TNRC6B: variants seen among roughly 807,000 people sequenced by gnomAD.
TNRC6B encodes trinucleotide repeat-containing gene 6B protein.
A neutral mutation model predicts 203.6 loss-of-function variants in TNRC6B; 52 were observed. That is an observed-to-expected ratio of 0.26 (90% confidence interval 0.20 to 0.32). The LOEUF (loss-of-function observed/expected upper bound fraction) is 0.32, where lower values mean the gene tolerates loss of function less well. Ranked by LOEUF, TNRC6B falls within the 10% of genes least tolerant of loss-of-function variation. TNRC6B has a pLI of 1.00. For synonymous variants in TNRC6B, 838 were observed against 845.7 expected, an observed-to-expected ratio of 0.99 and a Z score of 0.16; for missense variants, 1,923 against 2,286.2, an observed-to-expected ratio of 0.84 and a Z score of 3.24.
At chr22:40,202,951 A>T (rs533026061) in intron 1 of TNRC6B, among the ~76,000 whole-genome samples, 1 of 152,074 alleles carries the variant, frequency 6.6e-6, no homozygotes, top group East Asian at 1.9e-4. Flanking sequence ...CTAATGTTTG[A>T]TCTAACACAC....
intron 1 of TNRC6B, among the ~76,000 whole-genome samples, chr22:40,220,521 A>C (rs1325516875): frequency 2.6e-5 from 4 of 152,128 alleles, no homozygotes; most frequent in Non-Finnish European, 4.4e-5. Context: ...TGCTGGAGGC[A>C]CTGAATAGTT....
chr22:40,135,169 TGCAGGA>T (rs2068588946), intron 3 of TNRC6B, among the ~76,000 whole-genome samples: 2 of 152,188 alleles, frequency 1.3e-5, no homozygotes, highest in South Asian at 4.1e-4. Flanking sequence ...ATTCCAACTG[TGCAGGA>T]GCTGCAGACA....
At chr22:40,189,473 TG>T (rs1302197706) in intron 1 of TNRC6B, among the ~76,000 whole-genome samples, 1 of 148,968 alleles carries the variant, frequency 6.7e-6, no homozygotes, top group Non-Finnish European at 1.5e-5. Context: ...CGCTGTTTGT[TG>T]GGGTACTAAT....
chr22:40,288,282 T>A (rs970519769), intron 12 of TNRC6B, among the ~76,000 whole-genome samples: 3 of 143,180 alleles, frequency 2.1e-5, no homozygotes, highest in Non-Finnish European at 4.7e-5. Flanking sequence ...GTCTCCAGTC[T>A]TCTGTGACAG....
intron 1 of TNRC6B, among the ~76,000 whole-genome samples, chr22:40,099,064 A>C (rs2068210599): frequency 6.6e-6 from 1 of 152,136 alleles, no homozygotes; most frequent in Admixed American, 6.5e-5. Flanking sequence ...AGCCTGGCCA[A>C]GATGGTGAAA....
rs1220255932 is a variant in TNRC6B, at chr22:40,310,982, G to T, written c.4424G>T (p.Ser1475Ile). The change falls in exon 17 of 23, where the codon AGT becomes ATT. Residue 1475 changes from serine to isoleucine, a missense_variant. Ser to Ile is a moderately radical substitution (Grantham distance 142). Around this residue, in one of 8 missense-constraint regions of TNRC6B, gnomAD observed 242 missense variants for 399.5 expected, o/e 0.61. Coordinates refer to ENST00000454349, the MANE Select transcript of TNRC6B (RefSeq NM_001162501.2). Reference protein sequence around the residue: ...NKIGSKSSNASWPPEFQPGVP... With the variant: ...NKIGSKSSNAIWPPEFQPGVP... ...ATCGGAAGTAAATCCAGCAATGCCA[G>T]TTGGCCTCCAGGTATTGTCTAGGAA... is the stretch of plus-strand genomic sequence containing the variant. The T allele has an allele frequency of 1.9e-6, 3 of 1,607,014 alleles. No individual in the cohort carries two copies. Among genetic ancestry groups the T allele is most frequent in the Non-Finnish European group, 1.7e-6 (2 of 1,177,450 alleles).
intron 12 of TNRC6B, among the ~76,000 whole-genome samples, chr22:40,297,860 C>T (rs1051368441): frequency 2.6e-5 from 4 of 151,300 alleles, no homozygotes; most frequent in African/African-American, 4.9e-5. Context: ...CAGTGGTTCA[C>T]GCCTGTAATC....
Position 40,333,001 on chromosome 22 carries a change from G to C in TNRC6B, c.*9760G>C, listed in dbSNP as rs2043998358. Reference sequence around the variant, plus strand: ...GGAGCCGGTTTGCATTTGTGTTGGAGGGGTGTTATCTCCATTGCCTCCCAC... The same window carrying C: ...GGAGCCGGTTTGCATTTGTGTTGGACGGGTGTTATCTCCATTGCCTCCCAC... On this transcript the variant is annotated 3_prime_UTR_variant, in exon 23 of 23. Transcript: ENST00000454349. 6.6e-6 allele frequency: 1 copy of C among 152,212 alleles called. No individual in the cohort carries two copies. Among genetic ancestry groups the C allele is most frequent in the African/African-American group, 2.4e-5 (1 of 41,410 alleles). The allele number at this position is 152,212 out of a possible 1,614,324, so 9.4% of individuals were successfully genotyped here. A position where few individuals can be genotyped will look rare whatever the true frequency, so the allele number is the denominator to read the frequency against.
intron 12 of TNRC6B, among the ~76,000 whole-genome samples, chr22:40,293,554 G>T (rs949279135): frequency 2.0e-5 from 3 of 151,672 alleles, no homozygotes; most frequent in African/African-American, 7.3e-5. Flanking sequence ...GCTGGGTCAC[G>T]GGCAGGTTTT....
intron 3 of TNRC6B, among the ~76,000 whole-genome samples, chr22:40,137,028 CA>C (rs1219554259): frequency 6.6e-6 from 1 of 152,052 alleles, no homozygotes; most frequent in African/African-American, 2.4e-5. Context: ...CAAAGAACTG[CA>C]AGATCTGTTC....
chr22:40,051,241 A>C lies in TNRC6B; in HGVS notation c.-121+6243A>C. ...TCCAAAATTGCTGAAGAGGACACCA[A>C]TCCTGTTCTGAATTGTACCTCTGCA... On this transcript the variant is annotated intron_variant, in intron 1 of 23. Transcript: ENST00000301923. 2.0e-5 allele frequency among the ~76,000 whole-genome samples: 3 copies of C among 152,274 alleles called. 1 individual carries two copies. Among genetic ancestry groups the C allele is most frequent in the South Asian group, 4.1e-4 (2 of 4,826 alleles).
intron 1 of TNRC6B, among the ~76,000 whole-genome samples, chr22:40,181,900 C>T (rs537490364): frequency 5.4e-5 from 8 of 148,188 alleles, no homozygotes; most frequent in South Asian, 2.2e-4. Context: ...TAGCCAAGAT[C>T]GTGCCACTGC....
At chr22:40,069,607 C>T (rs961457168) in intron 1 of TNRC6B, among the ~76,000 whole-genome samples, 1 of 151,758 alleles carries the variant, frequency 6.6e-6, no homozygotes, top group Non-Finnish European at 1.5e-5. Context: ...CCTGCCTCAG[C>T]CTCCAGAGTA....
chr22:40,211,654 C>T (rs2069565239), intron 1 of TNRC6B, among the ~76,000 whole-genome samples: 1 of 152,146 alleles, frequency 6.6e-6, no homozygotes, highest in African/African-American at 2.4e-5. Context: ...ATTTTGCGGA[C>T]GTGCTTGCAT....
chr22:40,274,734 A>T (rs1474611738), intron 7 of TNRC6B, among the ~76,000 whole-genome samples: 1 of 152,054 alleles, frequency 6.6e-6, no homozygotes, highest in East Asian at 1.9e-4. Flanking sequence ...CAGCTAGATG[A>T]TTTCTCTACA....
chr22:40,213,999 G>A (rs550074579), intron 1 of TNRC6B, among the ~76,000 whole-genome samples: 2 of 152,212 alleles, frequency 1.3e-5, no homozygotes, highest in Non-Finnish European at 2.9e-5. Flanking sequence ...TGGGCACGGT[G>A]GCTCACGCTT....
At chr22:40,238,513 C>T (rs979272316) in intron 1 of TNRC6B, among the ~76,000 whole-genome samples, 4 of 152,160 alleles carry the variant, frequency 2.6e-5, no homozygotes, top group Non-Finnish European at 2.9e-5. Flanking sequence ...ATCCCTGCCA[C>T]CTTCTCCCTT....
At chr22:40,175,007 A>T (rs1019103925), upstream of TNRC6B, among the ~76,000 whole-genome samples, 1 of 152,138 alleles carries the variant, frequency 6.6e-6, no homozygotes, top group African/African-American at 2.4e-5. Flanking sequence ...AAACGATTAG[A>T]CTAATTGTAT....
At chr22:40,299,045 T>G (rs1426220205) in intron 12 of TNRC6B, among the ~76,000 whole-genome samples, 2 of 150,432 alleles carry the variant, frequency 1.3e-5, no homozygotes, top group Non-Finnish European at 2.9e-5. Flanking sequence ...GAGGATGGCT[T>G]GAGCCCAGGA....
Sources: gnomAD v4.1 joint callset for allele counts (sites outside exome capture counted in the v4.1 genomes callset) on GRCh38, gnomAD v4.1.1 for gene constraint, gnomAD v4.1.1 regional missense constraint, MANE v1.5 for transcripts, NCBI Gene and HGNC (gene_info 2026-07-23, HGNC 2026-07-21) for gene names.